TRAPPC9: variants seen among roughly 807,000 people sequenced by gnomAD.
The protein encoded by TRAPPC9 is trafficking protein particle complex subunit 9.
In TRAPPC9, 83 loss-of-function variants were observed where a neutral mutation model predicts 124.0. The ratio of observed to expected loss-of-function variants is 0.67; its 90% CI spans 0.56 to 0.80. The LOEUF is 0.80. Ranked by LOEUF, TRAPPC9 falls within the 30% of genes least tolerant of loss-of-function variation. The pLI is 0.00. For synonymous variants in TRAPPC9, 638 were observed against 617.5 expected (o/e 1.03, Z -0.49); for missense variants, 1,302 against 1,508.3 (o/e 0.86, Z 2.27).
intron 19 of TRAPPC9, among the ~76,000 whole-genome samples, chr8:139,939,489 GC>G (rs1833768509): frequency 1.3e-5 from 2 of 152,132 alleles, no homozygotes; most frequent in Non-Finnish European, 2.9e-5. Context: ...GAGACCCTCA[GC>G]CCACCCTCCC....
At chr8:139,925,193 C>G (rs998130538) in intron 19 of TRAPPC9, among the ~76,000 whole-genome samples, 1 of 152,210 alleles carries the variant, frequency 6.6e-6, no homozygotes, top group East Asian at 1.9e-4. Context: ...CCACTTTTCC[C>G]TCGACCTTTC....
At chr8:139,924,512 G>A (rs1563925654) in intron 19 of TRAPPC9, among the ~76,000 whole-genome samples, 3 of 152,226 alleles carry the variant, frequency 2.0e-5, no homozygotes, top group Non-Finnish European at 2.9e-5. Context: ...TCCTGCCTGG[G>A]AACCGTCAAC....
intron 17 of TRAPPC9, among the ~76,000 whole-genome samples, chr8:140,192,598 C>A (rs1221699249): frequency 6.6e-6 from 1 of 152,238 alleles, no homozygotes; most frequent in Non-Finnish European, 1.5e-5. Context: ...CAGAGCCTCG[C>A]TTCAATACCT....
chr8:140,085,583 C>G (rs28728391), intron 17 of TRAPPC9, among the ~76,000 whole-genome samples: 1 of 152,200 alleles, frequency 6.6e-6, no homozygotes, highest in Non-Finnish European at 1.5e-5. Flanking sequence ...CTGAAGCCGA[C>G]GTGCTGGAGG....
chr8:140,400,649 A>G (rs2069232563), intron 6 of TRAPPC9, among the ~76,000 whole-genome samples: 1 of 152,188 alleles, frequency 6.6e-6, no homozygotes, highest in South Asian at 2.1e-4. Context: ...TCATTCAACT[A>G]TGCAATAAAC....
chr8:139,731,864 C>T, intron 22 of TRAPPC9, 115 bp downstream of exon 22: 1 of 977,430 alleles, frequency 1.0e-6, no homozygotes, highest in Non-Finnish European at 1.6e-6. Flanking sequence ...CCACAGAACC[C>T]CTGCTGCTAT....
At chr8:140,147,432 T>C (rs962969201) in intron 17 of TRAPPC9, among the ~76,000 whole-genome samples, 12 of 152,156 alleles carry the variant, frequency 7.9e-5, no homozygotes, top group African/African-American at 2.7e-4. Flanking sequence ...GGTGAGGCCT[T>C]GTTCCCGGCA....
rs576929870 is a variant in TRAPPC9 at position 139,779,584 on chromosome 8, T to C, written c.3056-47382A>G. Among the ~76,000 whole-genome samples the C allele has an allele frequency of 5.9e-5, 9 of 152,306 alleles. No homozygotes were observed. The South Asian group carries it at 1.9e-3, about 32-fold the overall frequency. ...GCCCATAGGGAGGATTGCAACTACA[T>C]TATAATAAGGTTCTTACAGTATACA... is the stretch of plus-strand genomic sequence containing the variant. On this transcript the variant is annotated intron_variant, in intron 21 of 22. Coordinates refer to ENST00000438773, the MANE Select transcript of TRAPPC9 (RefSeq NM_001160372.4).
At chr8:140,125,584 ATTCT>A in intron 17 of TRAPPC9, among the ~76,000 whole-genome samples, 2 of 108,266 alleles carry the variant, frequency 1.8e-5, no homozygotes, top group Admixed American at 2.0e-4. Context: ...ATCGAATCTC[ATTCT>A]TTTTTTTTTT....
chr8:140,034,055 T>C (rs1019593195), intron 17 of TRAPPC9, among the ~76,000 whole-genome samples: 1 of 152,188 alleles, frequency 6.6e-6, no homozygotes, highest in Non-Finnish European at 1.5e-5. Flanking sequence ...CAGATGGTAA[T>C]AGTGTTTCTC....
At chr8:139,876,073 G>A (rs981106046) in intron 21 of TRAPPC9, among the ~76,000 whole-genome samples, 7 of 152,204 alleles carry the variant, frequency 4.6e-5, no homozygotes, top group South Asian at 2.1e-4. Context: ...TCAGCAACTC[G>A]TAGCAGCCAT....
chr8:139,984,520 G>A lies in TRAPPC9; in HGVS notation c.2810+4206C>T, dbSNP rs1011526376. Among the ~76,000 whole-genome samples the A allele has an allele frequency of 9.2e-5, 14 of 152,264 alleles. No individual in the cohort carries two copies. Among genetic ancestry groups the A allele is most frequent in the East Asian group, 3.9e-4 (2 of 5,180 alleles). ...AACGGGAGAGCCAGGAGAGAGGTTCGGCTCAGGACTCTGGGAAGGAACTGG... is the reference window on the plus strand; with the variant it reads ...AACGGGAGAGCCAGGAGAGAGGTTCAGCTCAGGACTCTGGGAAGGAACTGG... On this transcript the variant is annotated intron_variant, in intron 19 of 22. Transcript: ENST00000438773. The surrounding 1 kb of genome is among the most constrained non-coding windows in gnomAD (Gnocchi z 4.3).
chr8:140,309,486 C>T (rs1327676484), intron 10 of TRAPPC9, among the ~76,000 whole-genome samples: 5 of 152,204 alleles, frequency 3.3e-5, no homozygotes, highest in Non-Finnish European at 5.9e-5. Context: ...CCTGCAAGGA[C>T]CGATCATCCC....
intron 15 of TRAPPC9, among the ~76,000 whole-genome samples, 176 bp from the exon 16 acceptor site, chr8:140,253,105 T>G (rs561202683): frequency 7.4e-5 from 11 of 148,076 alleles, no homozygotes; most frequent in African/African-American, 2.7e-4. Flanking sequence ...TGCAAGGCAA[T>G]CACCCCTGTT....
intron 21 of TRAPPC9, among the ~76,000 whole-genome samples, chr8:139,811,046 C>G (rs1824409870): frequency 6.6e-6 from 1 of 152,106 alleles, no homozygotes; most frequent in Non-Finnish European, 1.5e-5. Context: ...AAGGGGAAGA[C>G]AAAGAGGAAG....
intron 17 of TRAPPC9, among the ~76,000 whole-genome samples, chr8:140,117,695 T>C (rs1245631459): frequency 1.3e-5 from 2 of 152,210 alleles, no homozygotes; most frequent in Non-Finnish European, 2.9e-5. Flanking sequence ...GCAAGACATA[T>C]GATGGCAGCT....
intron 21 of TRAPPC9, among the ~76,000 whole-genome samples, chr8:139,830,430 C>A (rs570964560): frequency 2.0e-5 from 3 of 151,888 alleles, no homozygotes; most frequent in African/African-American, 7.3e-5. Context: ...AGCATATGCA[C>A]GCAAATACAC....
intron 17 of TRAPPC9, among the ~76,000 whole-genome samples, chr8:140,033,064 T>A (rs2131977016): frequency 6.6e-6 from 1 of 152,358 alleles, no homozygotes. Context: ...CCTATTTTTT[T>A]AATTGACCTG....
At chr8:139,789,454 T>C (rs2130589023) in intron 21 of TRAPPC9, among the ~76,000 whole-genome samples, 1 of 152,274 alleles carries the variant, frequency 6.6e-6, no homozygotes, top group East Asian at 1.9e-4. Context: ...CACATGCCTG[T>C]TTAGATGTGG....
Sources: allele counts gnomAD v4.1 joint callset (sites outside exome capture counted in the v4.1 genomes callset), GRCh38; gene constraint gnomAD v4.1.1; non-coding constraint Gnocchi (gnomAD v3.1); transcripts MANE v1.5; gene names NCBI Gene and HGNC (gene_info 2026-07-23, HGNC 2026-07-21).